The following IBTK variants were observed in gnomAD, a reference collection of about 807,000 sequenced individuals.
The protein encoded by IBTK is inhibitor of Bruton tyrosine kinase.
IBTK carries 83 observed loss-of-function variants against 154.9 expected under a neutral mutation model. The ratio of observed to expected loss-of-function variants is 0.54; its 90% CI spans 0.45 to 0.64. The LOEUF (loss-of-function observed/expected upper bound fraction) is 0.64, where lower values mean the gene tolerates loss of function less well. Among genes scored for constraint, IBTK ranks in the 30% least tolerant of loss-of-function variants. The pLI is 0.00. For missense variants in IBTK, 1,332 were observed against 1,584.6 expected (o/e 0.84, Z 2.71); for synonymous variants, 515 against 536.1 (o/e 0.96, Z 0.54).
Position 82,202,653 on chromosome 6 carries a change from G to A in IBTK, c.2612-8C>T. On this transcript the variant is annotated splice_region_variant and splice_polypyrimidine_tract_variant and intron_variant, in intron 17 of 28. Transcript: ENST00000306270. ...CAGCATTCTTCAGGGTAACTACAAA[G>A]AAAGAAAAGATTTGCAAAATTAGAT... 6.6e-7 allele frequency: 1 copy of A among 1,509,208 alleles called. No individual in the cohort carries two copies. 93.5% of individuals were successfully genotyped at this position (1,509,208 alleles called of 1,614,324 possible). A position where few individuals can be genotyped will look rare whatever the true frequency, so the allele number is the denominator to read the frequency against.
At chr6:82,188,116 C>T (rs1405876134) in intron 25 of IBTK, among the ~76,000 whole-genome samples, 1 of 152,042 alleles carries the variant, frequency 6.6e-6, no homozygotes. Context: ...TTCAGGGGTC[C>T]CTAAGGAATC....
intron 22 of IBTK, 33 bp from the exon 23 acceptor site, chr6:82,194,675 AG>A (rs745656942): frequency 1.8e-5 from 27 of 1,518,718 alleles, no homozygotes; most frequent in Non-Finnish European, 2.4e-5. Flanking sequence ...AAAAGTTAAC[AG>A]GCACCTAGAA....
At chr6:82,236,652 T>C (rs1360684179) in intron 2 of IBTK, among the ~76,000 whole-genome samples, 1 of 152,232 alleles carries the variant, frequency 6.6e-6, no homozygotes, top group Non-Finnish European at 1.5e-5. Context: ...ACTGACAATT[T>C]ACTGTGCAAT....
chr6:82,199,655 T>G (rs940688621), intron 21 of IBTK, among the ~76,000 whole-genome samples: 2 of 152,126 alleles, frequency 1.3e-5, no homozygotes, highest in Non-Finnish European at 2.9e-5. Context: ...AGAGTAGTCT[T>G]TCTAAAAACA....
intron 5 of IBTK, 54 bp downstream of exon 5, chr6:82,227,138 G>T: frequency 2.5e-6 from 3 of 1,202,414 alleles, no homozygotes; most frequent in Non-Finnish European, 3.6e-6. Context: ...AAATCTTTCA[G>T]CTTATCAGCA....
At chr6:82,217,301 T>G (rs1769907669) in intron 10 of IBTK, among the ~76,000 whole-genome samples, 1 of 152,140 alleles carries the variant, frequency 6.6e-6, no homozygotes, top group African/African-American at 2.4e-5. Context: ...TAACTCTATT[T>G]TAGTCTTATG....
At chr6:82,193,020 C>G (rs1036367884) in intron 23 of IBTK, among the ~76,000 whole-genome samples, 2 of 151,598 alleles carry the variant, frequency 1.3e-5, no homozygotes, top group Non-Finnish European at 2.9e-5. Flanking sequence ...ATCGTTTGAA[C>G]CCAGGAGGCA....
intron 7 of IBTK, 150 bp from the exon 8 acceptor site, chr6:82,223,770 G>A (rs964332843): frequency 7.8e-6 from 5 of 643,490 alleles, no homozygotes; most frequent in Admixed American, 3.0e-5. Context: ...ACCAGCCTGT[G>A]CAACATGGTG....
At chr6:82,210,026 T>TA (rs998155795) in intron 16 of IBTK, among the ~76,000 whole-genome samples, 5 of 152,018 alleles carry the variant, frequency 3.3e-5, no homozygotes, top group African/African-American at 9.7e-5. Context: ...CAGCTGGGGT[T>TA]AAAAAAAACT....
intron 23 of IBTK, among the ~76,000 whole-genome samples, chr6:82,193,767 C>T (rs971905246): frequency 7.2e-5 from 11 of 152,026 alleles, no homozygotes; most frequent in African/African-American, 1.2e-4. Flanking sequence ...CTGTAACCTC[C>T]GCCTCCCGGG....
At chr6:82,236,602 A>T (rs911795100) in intron 2 of IBTK, among the ~76,000 whole-genome samples, 1 of 152,176 alleles carries the variant, frequency 6.6e-6, no homozygotes. Flanking sequence ...TTTGTAGGCA[A>T]CAAGTTTCTG....
chr6:82,227,908 A>G (rs1199172735), intron 4 of IBTK, among the ~76,000 whole-genome samples: 1 of 151,446 alleles, frequency 6.6e-6, no homozygotes, highest in Non-Finnish European at 1.5e-5. Context: ...CTTTTTCCTT[A>G]TCTGCCTCAA....
At chr6:82,172,288 C>T in intron 28 of IBTK, 92 bp downstream of exon 28, 1 of 1,264,910 alleles carries the variant, frequency 7.9e-7, no homozygotes, top group Non-Finnish European at 1.1e-6. Flanking sequence ...GATACAAGCA[C>T]CTGTCCAAAA....
chr6:82,211,491 AAG>A lies in IBTK; in HGVS notation c.2371_2372del (p.Leu791Ter). 6.2e-7 allele frequency: 1 copy of A among 1,612,524 alleles called. No homozygotes were observed. ...PCHKCVLCAR[L>X]EYFHSMLSSS... is the part of the protein sequence containing the mutation. ...AGCAGCTTTAAAAAGTGCACCTACC[AAG>A]TCTAGCACAAAGAACACATTTATGA... On this transcript the variant is annotated frameshift_variant and splice_region_variant, in exon 14 of 29. Transcript: ENST00000306270. LOFTEE classifies it high-confidence loss of function.
intron 1 of IBTK, among the ~76,000 whole-genome samples, chr6:82,247,328 G>A (rs1582271076): frequency 6.6e-6 from 1 of 152,226 alleles, no homozygotes; most frequent in African/African-American, 2.4e-5. Flanking sequence ...CGCATCGCCG[G>A]GACAGGCCAT....
intron 12 of IBTK, 59 bp from the exon 13 acceptor site, chr6:82,212,852 C>A: frequency 1.0e-6 from 1 of 962,950 alleles, no homozygotes; most frequent in South Asian, 1.3e-5. Context: ...AAACATACAA[C>A]AAAAAATCCA....
At chr6:82,231,657 C>T in intron 4 of IBTK, 61 bp downstream of exon 4, 1 of 1,304,036 alleles carries the variant, frequency 7.7e-7, no homozygotes, top group Non-Finnish European at 1.0e-6. Context: ...AAAAGCTGAA[C>T]AATCAAATAC....
At chr6:82,216,469 T>C (rs966057378) in intron 10 of IBTK, among the ~76,000 whole-genome samples, 7 of 152,212 alleles carry the variant, frequency 4.6e-5, no homozygotes, top group African/African-American at 1.7e-4. Context: ...TTCTCAATTA[T>C]CCATGATTCC....
intron 28 of IBTK, among the ~76,000 whole-genome samples, 165 bp downstream of exon 28, chr6:82,172,215 T>G (rs905849227): frequency 1.3e-5 from 2 of 152,192 alleles, no homozygotes; most frequent in Admixed American, 6.5e-5. Context: ...TATCTACAAC[T>G]AATACATACA....
Sources: gnomAD v4.1 joint callset for allele counts (sites outside exome capture counted in the v4.1 genomes callset) on GRCh38, gnomAD v4.1.1 for gene constraint, MANE v1.5 for transcripts, NCBI Gene and HGNC (gene_info 2026-07-23, HGNC 2026-07-21) for gene names.